The following FSTL5 variants were observed in gnomAD, a reference collection of about 807,000 sequenced individuals.
FSTL5 encodes follistatin-related protein 5.
Under a neutral mutation model 89.1 loss-of-function variants are expected in FSTL5, and 62 were observed. The ratio of observed to expected loss-of-function variants is 0.70; its 90% CI spans 0.57 to 0.86. The LOEUF (loss-of-function observed/expected upper bound fraction) is 0.86. Ranked by LOEUF, FSTL5 falls within the 40% of genes least tolerant of loss-of-function variation. The pLI is 0.00. For synonymous variants in FSTL5, 383 were observed against 346.2 expected (o/e 1.11, Z -1.18); for missense variants, 1,057 against 1,001.6 (o/e 1.06, Z -0.75).
intron 2 of FSTL5, among the ~76,000 whole-genome samples, chr4:162,084,457 T>C (rs1730226568): frequency 6.6e-6 from 1 of 151,998 alleles, no homozygotes. Context: ...CAAAATGTAT[T>C]ACAAACTTCT....
chr4:161,386,385 A>G lies in FSTL5; in HGVS notation c.1906T>C (p.Tyr636His). The G allele has an allele frequency of 8.1e-6, 13 of 1,613,784 alleles. No individual in the cohort carries two copies. Among genetic ancestry groups the G allele is most frequent in the Non-Finnish European group, 1.1e-5 (13 of 1,179,828 alleles). Residue 636 changes from tyrosine (Y) to histidine (H), a missense_variant, in exon 16 of 16, where the codon TAC (tyrosine) becomes CAC (histidine). Around this residue, in one of 3 missense-constraint regions of FSTL5, gnomAD observed 980 missense variants for 903.2 expected, o/e 1.08. Transcript: ENST00000306100. The part of the protein sequence containing the change: ...LQKIDLETMS[Y>H]IKTINLKDYK... Reference sequence around the variant, plus strand: ...TCCTTCAAGTTAATTGTCTTGATGTATGACATGGTTTCAAGATCAATTTTT... The same window carrying G: ...TCCTTCAAGTTAATTGTCTTGATGTGTGACATGGTTTCAAGATCAATTTTT...
intron 4 of FSTL5, among the ~76,000 whole-genome samples, chr4:161,898,656 G>A (rs1354104912): frequency 2.8e-5 from 4 of 140,938 alleles, no homozygotes; most frequent in South Asian, 2.3e-4. Context: ...TTGAGACGGA[G>A]TCTCACTCTG....
chr4:161,598,475 C>G (rs1734112895), intron 7 of FSTL5, among the ~76,000 whole-genome samples: 1 of 151,920 alleles, frequency 6.6e-6, no homozygotes. Flanking sequence ...CATGAAAAGC[C>G]AAGACAATCC....
intron 1 of FSTL5, among the ~76,000 whole-genome samples, chr4:162,160,087 T>TATATATGTGTATATACATATATGTGTAA (rs70946246): frequency 0.14 from 21,571 of 151,052 alleles, 1,557 homozygotes; most frequent in Middle Eastern, 0.26. Flanking sequence ...AGAATTTACA[T>TATATATGTGTATATACATATATGTGTAA]ATATATGTGT....
intron 10 of FSTL5, among the ~76,000 whole-genome samples, chr4:161,535,350 T>C (rs558079500): frequency 1.3e-3 from 201 of 152,136 alleles, no homozygotes; most frequent in African/African-American, 4.6e-3. Flanking sequence ...AATACTAATA[T>C]CCAGAATCTA....
At chr4:161,839,176 A>G (rs1278453758) in intron 4 of FSTL5, among the ~76,000 whole-genome samples, 1 of 152,050 alleles carries the variant, frequency 6.6e-6, no homozygotes, top group Non-Finnish European at 1.5e-5. Flanking sequence ...GAATGGACAT[A>G]ATAAGGATAA....
chr4:162,071,179 A>G (rs937539003), intron 2 of FSTL5, among the ~76,000 whole-genome samples: 1 of 151,712 alleles, frequency 6.6e-6, no homozygotes, highest in Non-Finnish European at 1.5e-5. Flanking sequence ...CCAATTAAAA[A>G]ATATAGACTG....
rs1736157891 is a variant in FSTL5, at chr4:161,992,864, ATATATATATATATATAT to A, written c.160+40744_160+40760del. Among the ~76,000 whole-genome samples, 174 of 65,574 alleles carry A rather than the reference ATATATATATATATATAT, an allele frequency of 2.7e-3. 5 individuals are homozygous for A. The highest frequency in any genetic ancestry group is 0.011 in the African/African-American group (165 of 15,520). The allele number at this position is 65,574 out of a possible 152,430, so 43.0% of individuals were successfully genotyped here. On this transcript the variant is annotated intron_variant, in intron 3 of 15. Transcript: ENST00000306100. ...CTCCATCTCAAAAAAAAAAAAAAAT[ATATATATATATATATAT>A]ATATATATATATATATGTGTGTGTA...
chr4:161,652,265 T>C (rs944015109), intron 7 of FSTL5, among the ~76,000 whole-genome samples: 1 of 152,092 alleles, frequency 6.6e-6, no homozygotes, highest in East Asian at 1.9e-4. Context: ...AGAAACCCCA[T>C]CTCTACAAAA....
chr4:161,899,325 CA>C (rs1407806013), intron 4 of FSTL5, among the ~76,000 whole-genome samples: 4 of 152,144 alleles, frequency 2.6e-5, no homozygotes, highest in African/African-American at 9.7e-5. Flanking sequence ...GGATAGAGGA[CA>C]CATTCATAGG....
intron 7 of FSTL5, among the ~76,000 whole-genome samples, chr4:161,592,182 G>A (rs1733844081): frequency 6.6e-6 from 1 of 152,152 alleles, no homozygotes; most frequent in Non-Finnish European, 1.5e-5. Flanking sequence ...ACAACATTGT[G>A]AAACATGTCA....
chr4:161,659,055 G>A (rs1196689852), intron 6 of FSTL5, among the ~76,000 whole-genome samples: 1 of 152,118 alleles, frequency 6.6e-6, no homozygotes, highest in Non-Finnish European at 1.5e-5. Context: ...AATAAATGCT[G>A]AGATTTGGCA....
chr4:161,968,467 T>C (rs1396877707), intron 3 of FSTL5, among the ~76,000 whole-genome samples: 1 of 152,158 alleles, frequency 6.6e-6, no homozygotes, highest in Non-Finnish European at 1.5e-5. Flanking sequence ...TACTTTTATA[T>C]GCAGTAGAGC....
At chr4:161,925,837 T>G (rs565185566) in intron 3 of FSTL5, among the ~76,000 whole-genome samples, 1 of 152,024 alleles carries the variant, frequency 6.6e-6, no homozygotes, top group East Asian at 1.9e-4. Context: ...TGTGGCAGCA[T>G]GTGTGTTCTC....
chr4:161,656,438 C>G lies in FSTL5; in HGVS notation c.784G>C (p.Val262Leu). The change falls in exon 7 of 16, where the codon GTG becomes CTG. Residue 262 changes from valine (V) to leucine (L), a missense_variant. This residue lies in a region of FSTL5 where 980 missense variants were observed against 903.2 expected (regional missense o/e 1.08). Transcript: ENST00000306100. Reference protein sequence around the residue: ...DQKLSITAATVGQSAVLSCAI... With the variant: ...DQKLSITAATLGQSAVLSCAI... The stretch of plus-strand genomic sequence containing the variant: ...CAGCTCAGAACAGCACTTTGTCCCA[C>G]AGTTGCTGCAGTGATGCTTAGTTTC... 1 of 1,608,628 alleles carries G rather than the reference C, an allele frequency of 6.2e-7. No homozygotes were observed. Among genetic ancestry groups the G allele is most frequent in the Non-Finnish European group, 8.5e-7 (1 of 1,177,384 alleles).
At chr4:161,875,159 T>C (rs1255755611) in intron 4 of FSTL5, among the ~76,000 whole-genome samples, 1 of 152,184 alleles carries the variant, frequency 6.6e-6, no homozygotes, top group African/African-American at 2.4e-5. Context: ...TTCTTTTATT[T>C]GGAGGCAGGG....
chr4:162,142,717 C>T (rs186923818), intron 1 of FSTL5, among the ~76,000 whole-genome samples: 92 of 152,190 alleles, frequency 6.0e-4, no homozygotes, highest in African/African-American at 2.1e-3. Flanking sequence ...TGATATACTC[C>T]AATTTTTATG....
intron 1 of FSTL5, among the ~76,000 whole-genome samples, chr4:162,126,301 A>C (rs920202118): frequency 2.0e-5 from 3 of 152,078 alleles, no homozygotes; most frequent in African/African-American, 7.2e-5. Flanking sequence ...CTTAATATTA[A>C]AATTATTAAT....
chr4:161,994,425 A>C (rs578041670), intron 3 of FSTL5, among the ~76,000 whole-genome samples: 1 of 152,292 alleles, frequency 6.6e-6, no homozygotes, highest in African/African-American at 2.4e-5. Flanking sequence ...GTCGAATGGC[A>C]GTTCTGCTGT....
Sources: allele counts gnomAD v4.1 joint callset (sites outside exome capture counted in the v4.1 genomes callset), GRCh38; gene constraint gnomAD v4.1.1; regional missense constraint gnomAD v4.1.1; transcripts MANE v1.5; gene names NCBI Gene and HGNC (gene_info 2026-07-23, HGNC 2026-07-21).